ITGB4: variants seen among roughly 807,000 people sequenced by gnomAD.
The protein encoded by ITGB4 is integrin beta-4.
Under a neutral mutation model 207.6 loss-of-function variants are expected in ITGB4, and 159 were observed. The ratio of observed to expected loss-of-function variants is 0.77; its 90% CI spans 0.67 to 0.87. The LOEUF (loss-of-function observed/expected upper bound fraction) is 0.87. Among genes scored for constraint, ITGB4 ranks in the 40% least tolerant of loss-of-function variants. The probability of loss-of-function intolerance (pLI) is 0.00; values close to 1 mark genes in which losing one functional copy is unlikely to be tolerated. For missense variants in ITGB4, 2,278 were observed against 2,546.8 expected (o/e 0.89, Z 2.27); for synonymous variants, 1,020 against 1,062.7 (o/e 0.96, Z 0.78).
intron 34 of ITGB4, chr17:75,755,295 C>T (rs577078944): frequency 7.7e-5 from 108 of 1,402,772 alleles, no homozygotes; most frequent in Admixed American, 3.0e-4. Context: ...GCCAGCTGTG[C>T]CCACTGCTTC....
chr17:75,737,673 C>A (rs2148504699), intron 18 of ITGB4, 29 bp downstream of exon 18: 2 of 1,591,440 alleles, frequency 1.3e-6, no homozygotes, highest in East Asian at 4.5e-5. Flanking sequence ...TCCCAAGGCC[C>A]CACATCCCAG....
Position 75,751,068 on chromosome 17 carries a change from CA to C in ITGB4, c.3751del (p.Thr1251GlnfsTer20). On this transcript the variant is annotated frameshift_variant, in exon 30 of 40. Transcript: ENST00000200181. LOFTEE classifies it high-confidence loss of function. ...AGCCGGCTGAGACCAACGGTGAGAT[CA>C]CAGCCTACGAGGTCTGCTATGGCCT... The part of the protein sequence containing the change: ...AEPAETNGEI[T>X]AYEVCYGLVN... 2 of 1,613,892 alleles carry C rather than the reference CA, an allele frequency of 1.2e-6. No individual in the cohort carries two copies. Among genetic ancestry groups the C allele is most frequent in the South Asian group, 2.2e-5 (2 of 91,084 alleles).
chr17:75,755,111 G>A (rs1382330247), intron 34 of ITGB4: 2 of 1,607,576 alleles, frequency 1.2e-6, no homozygotes, highest in Non-Finnish European at 1.7e-6. Context: ...CTGGGCCCTG[G>A]GGTCCCGGAG....
At chr17:75,756,286 T>C in intron 35 of ITGB4, 143 bp from the exon 36 acceptor site, 1 of 813,880 alleles carries the variant, frequency 1.2e-6, no homozygotes, top group Non-Finnish European at 2.0e-6. Context: ...AGCCATACCA[T>C]ACTGTACCCA....
chr17:75,728,754 G>T (rs1056815803), intron 6 of ITGB4, among the ~76,000 whole-genome samples: 1 of 152,114 alleles, frequency 6.6e-6, no homozygotes, highest in African/African-American at 2.4e-5. Context: ...GGAGGCCAAG[G>T]CGGGTGGATC....
At position 75,757,118 on chromosome 17, in the gene ITGB4, G is replaced by A. The variant is rs973489932; in HGVS notation, c.5218+11G>A. On this transcript the variant is annotated intron_variant, in intron 38 of 39. Transcript: ENST00000200181. The stretch of plus-strand genomic sequence containing the variant: ...AGTCCCAGGATGGAGGTAGGCACCT[G>A]TCCTTTCCTTCACCCCCACCCCTCC... 9 of 1,612,762 alleles carry A rather than the reference G, an allele frequency of 5.6e-6. No homozygotes were observed. The Middle Eastern group carries it at 4.9e-4, about 88-fold the overall frequency.
chr17:75,755,586 C>T (rs1005959279), intron 34 of ITGB4, 115 bp from the exon 35 acceptor site: 2 of 1,342,956 alleles, frequency 1.5e-6, no homozygotes, highest in African/African-American at 2.9e-5. Context: ...AGTTGTCCAG[C>T]CAGCGGTCAG....
chr17:75,756,656 T>G lies in ITGB4; in HGVS notation c.4897+39T>G, dbSNP rs750819199. On this transcript the variant is annotated intron_variant, in intron 36 of 39. Transcript: ENST00000200181. Reference sequence around the variant, plus strand: ...CCCAGCCCCAGAGCTGCCCCCATCATGCCCACCACCCACCCACAGGCTGAT... The same window carrying G: ...CCCAGCCCCAGAGCTGCCCCCATCAGGCCCACCACCCACCCACAGGCTGAT... 9 of 1,612,936 alleles carry G rather than the reference T, an allele frequency of 5.6e-6. No individual in the cohort carries two copies. The Admixed American group carries it at 1.5e-4, about 27-fold the overall frequency.
At chr17:75,743,264 G>C (rs1366571486) in intron 25 of ITGB4, among the ~76,000 whole-genome samples, 1 of 151,934 alleles carries the variant, frequency 6.6e-6, no homozygotes, top group Admixed American at 6.6e-5. Flanking sequence ...ACAGAGTCTT[G>C]CTCTGCCACC....
chr17:75,753,721 G>A, intron 32 of ITGB4, 44 bp from the exon 33 acceptor site: 3 of 1,309,240 alleles, frequency 2.3e-6, no homozygotes, highest in Non-Finnish European at 2.9e-6. Context: ...TGCTCGGCCC[G>A]GCGCCCCCCG....
Position 75,742,531 on chromosome 17 carries a change from G to T in ITGB4, c.2782+42G>T. Reference sequence around the variant, plus strand: ...GCTGTGCCACTGCCTCGCACCTCCCGCCTGTGTGGCCCTGTGACCCACCTC... The same window carrying T: ...GCTGTGCCACTGCCTCGCACCTCCCTCCTGTGTGGCCCTGTGACCCACCTC... On this transcript the variant is annotated intron_variant, in intron 24 of 39. Coordinates refer to ENST00000200181, the MANE Select transcript of ITGB4 (RefSeq NM_000213.5). The surrounding 1 kb of genome is among the most constrained non-coding windows in gnomAD (Gnocchi z 5.9). 1.2e-6 allele frequency: 2 copies of T among 1,613,378 alleles called. No homozygotes were observed. The highest frequency in any genetic ancestry group is 1.1e-5 in the South Asian group (1 of 91,070).
chr17:75,728,513 A>T (rs1239302594), intron 6 of ITGB4, 40 bp downstream of exon 6: 7 of 1,475,048 alleles, frequency 4.7e-6, no homozygotes, highest in Non-Finnish European at 6.6e-6. Context: ...GCAAGGGTCC[A>T]GGCCATGTGA....
Position 75,748,865 on chromosome 17 carries a change from C to G in ITGB4, c.3136C>G (p.Leu1046Val). Reference protein sequence around the residue: ...NRDYIPVEGELLFQPGEAWKE... With the variant: ...NRDYIPVEGEVLFQPGEAWKE... ...GGACTACATCCCCGTGGAGGGTGAG[C>G]TGCTGTTCCAGCCTGGGGAGGCCTG... Residue 1046 changes from leucine to valine, a missense_variant, in exon 27 of 40, where the codon CTG (leucine) becomes GTG (valine). By Grantham distance (32) the Leu-to-Val change is conservative. Coordinates refer to ENST00000200181, the MANE Select transcript of ITGB4 (RefSeq NM_000213.5). The G allele has an allele frequency of 6.2e-7, 1 of 1,612,044 alleles. No homozygotes were observed. The highest frequency in any genetic ancestry group is 1.3e-5 in the African/African-American group (1 of 75,026).
rs778801524 is a variant in ITGB4 at position 75,730,451 on chromosome 17, CACA to C, written c.953_955del (p.Asn318del). 1.2e-5 allele frequency: 19 copies of C among 1,614,006 alleles called. No homozygotes were observed. Among genetic ancestry groups the C allele is most frequent in the Non-Finnish European group, 1.4e-5 (17 of 1,180,040 alleles). ...CACCCTGGTGCGCCTGCTCGCCAAG[CACA>C]ACATCATCCCCATCTTTGCTGTCAC... On this transcript the variant is annotated inframe_deletion, in exon 8 of 40. Transcript: ENST00000200181.
In ITGB4 at chr17:75,756,464, C is replaced by T. The variant is rs2061505647; in HGVS notation, c.4744C>T (p.Gln1582Ter). Residue 1582 changes from glutamine to a stop codon, truncating the protein, a stop_gained, in exon 36 of 40, where the codon CAG becomes TAG. Coordinates refer to ENST00000200181, the MANE Select transcript of ITGB4 (RefSeq NM_000213.5). LOFTEE classifies it high-confidence loss of function. ...LHRLNIPNPA[Q>*]TSVVVEDLLP... ...TCGGCTCAACATCCCCAACCCTGCC[C>T]AGACCTCGGTGGTGGTGGAAGACCT... The T allele has an allele frequency of 6.2e-7, 1 of 1,613,274 alleles. No homozygotes were observed. The highest frequency in any genetic ancestry group is 1.1e-5 in the South Asian group (1 of 91,094).
At chr17:75,755,573 G>A in intron 34 of ITGB4, 128 bp from the exon 35 acceptor site, 1 of 1,210,600 alleles carries the variant, frequency 8.3e-7, no homozygotes, top group Non-Finnish European at 1.2e-6. Context: ...TGCAGGGTGA[G>A]TGAGTTGTCC....
chr17:75,726,947 C>T (rs1214953705), intron 2 of ITGB4, among the ~76,000 whole-genome samples: 2 of 151,934 alleles, frequency 1.3e-5, no homozygotes, highest in Non-Finnish European at 2.9e-5. Context: ...GTGGCGGGCG[C>T]CTGTAGTCTC....
chr17:75,752,254 C>G lies in ITGB4; in HGVS notation c.3874C>G (p.Gln1292Glu). 6.2e-7 allele frequency: 1 copy of G among 1,613,638 alleles called. No homozygotes were observed. Among genetic ancestry groups the G allele is most frequent in the Non-Finnish European group, 8.5e-7 (1 of 1,180,036 alleles). ...GCTTATTGAGAACCTTCGGGAGTCCCAGCCCTACCGCTACACGGTGAAGGC... is the reference window on the plus strand; with the variant it reads ...GCTTATTGAGAACCTTCGGGAGTCCGAGCCCTACCGCTACACGGTGAAGGC... ...MLLIENLRESQPYRYTVKARN... is the reference protein window; with the variant it reads ...MLLIENLRESEPYRYTVKARN... The change falls in exon 31 of 40, where the codon CAG (glutamine) becomes GAG (glutamate). Residue 1292 changes from glutamine (Q) to glutamate (E), a missense_variant. Gln to Glu is a conservative substitution (Grantham distance 29). Transcript: ENST00000200181.
Position 75,750,371 on chromosome 17 carries a change from C to A in ITGB4, c.3474+103C>A. 1 of 1,220,860 alleles carries A rather than the reference C, an allele frequency of 8.2e-7. No individual in the cohort carries two copies. The highest frequency in any genetic ancestry group is 1.1e-6 in the Non-Finnish European group (1 of 874,930). The allele number at this position is 1,220,860 out of a possible 1,614,324, so 75.6% of individuals were successfully genotyped here. On this transcript the variant is annotated intron_variant, in intron 28 of 39. Coordinates refer to ENST00000200181, the MANE Select transcript of ITGB4 (RefSeq NM_000213.5). This position sits in a 1 kb window ranked among gnomAD's most constrained non-coding sequence, Gnocchi z 5.5. ...AAGGCCAGGGCCCCCTGAGAGAGAGCAGACAGTGGAACCTAGCACAGGTGG... is the reference window on the plus strand; with the variant it reads ...AAGGCCAGGGCCCCCTGAGAGAGAGAAGACAGTGGAACCTAGCACAGGTGG...
Sources: gnomAD v4.1 joint callset for allele counts (sites outside exome capture counted in the v4.1 genomes callset) on GRCh38, gnomAD v4.1.1 for gene constraint, Gnocchi (gnomAD v3.1) non-coding constraint, MANE v1.5 for transcripts, NCBI Gene and HGNC (gene_info 2026-07-23, HGNC 2026-07-21) for gene names.